The following C1orf185 variants were observed in gnomAD, a reference collection of about 807,000 sequenced individuals.
The protein encoded by C1orf185 is uncharacterized protein C1orf185.
In C1orf185, 13 loss-of-function variants were observed where a neutral mutation model predicts 16.1. That is an observed-to-expected ratio of 0.81 (90% CI 0.53 to 1.28). C1orf185 has a LOEUF of 1.28. C1orf185 is among the 50% of genes most tolerant of loss of function. C1orf185 has a pLI of 0.00. For missense variants in C1orf185, 220 were observed against 225.2 expected (o/e 0.98, Z 0.15); for synonymous variants, 80 against 76.9 (o/e 1.04, Z -0.21).
At chr1:51,120,718 A>G (rs1646191756) in intron 3 of C1orf185, among the ~76,000 whole-genome samples, 1 of 152,250 alleles carries the variant, frequency 6.6e-6, no homozygotes, top group Non-Finnish European at 1.5e-5. Flanking sequence ...ATATAATAAT[A>G]CCATCATACT....
At chr1:51,105,714 A>G (rs1392104272) in intron 1 of C1orf185, among the ~76,000 whole-genome samples, 1 of 152,182 alleles carries the variant, frequency 6.6e-6, no homozygotes. Context: ...TGACTATTGA[A>G]AGTGGGGAGT....
intron 3 of C1orf185, among the ~76,000 whole-genome samples, chr1:51,126,463 G>T (rs1390284668): frequency 6.6e-6 from 1 of 152,010 alleles, no homozygotes; most frequent in African/African-American, 2.4e-5. Flanking sequence ...GTCTTGCTGT[G>T]TTGCCGAGGC....
intron 3 of C1orf185, among the ~76,000 whole-genome samples, chr1:51,119,062 G>A (rs948633410): frequency 2.0e-5 from 3 of 152,136 alleles, no homozygotes; most frequent in Non-Finnish European, 4.4e-5. Context: ...AAGATAAATG[G>A]CATAAGAAAA....
chr1:51,124,980 A>G (rs551257827), intron 3 of C1orf185, among the ~76,000 whole-genome samples: 53 of 152,306 alleles, frequency 3.5e-4, no homozygotes, highest in Non-Finnish European at 1.2e-4. Context: ...GCAGAGGCCC[A>G]TCTTCTGTAA....
chr1:51,119,856 G>C (rs1313228025), intron 3 of C1orf185, among the ~76,000 whole-genome samples: 3 of 151,958 alleles, frequency 2.0e-5, no homozygotes, highest in Non-Finnish European at 4.4e-5. Context: ...TGCCACTGAG[G>C]CTATATAAAC....
At chr1:51,108,562 A>G (rs1156790250) in intron 1 of C1orf185, among the ~76,000 whole-genome samples, 3 of 152,134 alleles carry the variant, frequency 2.0e-5, no homozygotes, top group African/African-American at 7.2e-5. Context: ...CCATTAACCA[A>G]CTTCTCATCA....
Position 51,145,733 on chromosome 1 carries a change from A to G in C1orf185, c.268A>G (p.Arg90Gly). The part of the protein sequence containing the change: ...TGRFQLQEEQ[R>G]KKEAAHIKAI... The stretch of plus-strand genomic sequence containing the variant: ...ACTTTTTTTAATGTAGGAGGAGCAA[A>G]GAAAAAAGGAAGCAGCACATATAAA... The change falls in exon 4 of 5, where the codon AGA (arginine) becomes GGA (glycine). Residue 90 changes from arginine (R) to glycine (G), a missense_variant. Coordinates refer to ENST00000371759, the MANE Select transcript of C1orf185 (RefSeq NM_001136508.2). 1 of 1,315,816 alleles carries G rather than the reference A, an allele frequency of 7.6e-7. No homozygotes were observed. Among genetic ancestry groups the G allele is most frequent in the Non-Finnish European group, 1.0e-6 (1 of 970,284 alleles). The allele number at this position is 1,315,816 out of a possible 1,614,324, so 81.5% of individuals were successfully genotyped here.
In C1orf185 at chr1:51,147,582, A is replaced by AT. The variant is rs1557655002; in HGVS notation, c.413dup (p.Leu138PhefsTer4). The AT allele has an allele frequency of 2.6e-6, 4 of 1,551,604 alleles. No homozygotes were observed. Among genetic ancestry groups the AT allele is most frequent in the Middle Eastern group, 1.7e-4 (1 of 5,992 alleles). ...GCAGTGTTACATTAAGCTTATCAAC[A>AT]TTACCATCTGATTCTTATTACAGCC... is the stretch of plus-strand genomic sequence containing the variant. On this transcript the variant is annotated frameshift_variant, in exon 5 of 5. Transcript: ENST00000371759. LOFTEE classifies it high-confidence loss of function.
downstream of C1orf185, among the ~76,000 whole-genome samples, chr1:51,151,832 G>A (rs1477017818): frequency 1.3e-5 from 2 of 151,852 alleles, no homozygotes; most frequent in African/African-American, 4.8e-5. Flanking sequence ...GGGATTACAG[G>A]CGCCCACCAC....
At chr1:51,131,129 C>T (rs1646281932) in intron 3 of C1orf185, among the ~76,000 whole-genome samples, 1 of 152,196 alleles carries the variant, frequency 6.6e-6, no homozygotes, top group African/African-American at 2.4e-5. Flanking sequence ...TCTCAAACTC[C>T]TGACCTCAGG....
intron 3 of C1orf185, among the ~76,000 whole-genome samples, chr1:51,142,780 T>C (rs1387360674): frequency 6.6e-6 from 1 of 152,188 alleles, no homozygotes; most frequent in Non-Finnish European, 1.5e-5. Flanking sequence ...TTTTGTTTTT[T>C]GATTTTTATT....
At chr1:51,150,876 A>C (rs1646426991), downstream of C1orf185, among the ~76,000 whole-genome samples, 1 of 152,172 alleles carries the variant, frequency 6.6e-6, no homozygotes, top group South Asian at 2.1e-4. Context: ...GGGTTGCATT[A>C]CAGGAAGGAG....
chr1:51,132,033 G>T (rs1484325371), intron 3 of C1orf185, among the ~76,000 whole-genome samples: 1 of 152,202 alleles, frequency 6.6e-6, no homozygotes, highest in East Asian at 1.9e-4. Context: ...AATGAAGCCA[G>T]TTGGCTGAAT....
At chr1:51,110,395 C>T (rs1041440476) in intron 1 of C1orf185, among the ~76,000 whole-genome samples, 1 of 152,082 alleles carries the variant, frequency 6.6e-6, no homozygotes, top group African/African-American at 2.4e-5. Flanking sequence ...TGAGAAATAA[C>T]CTTATATAAC....
At chr1:51,151,463 A>G (rs7536035), downstream of C1orf185, among the ~76,000 whole-genome samples, 6 of 152,306 alleles carry the variant, frequency 3.9e-5, no homozygotes, top group African/African-American at 1.2e-4. Flanking sequence ...TTTTGAAAAA[A>G]AAGTAAATAA....
At chr1:51,122,286 A>G (rs1646203273) in intron 3 of C1orf185, among the ~76,000 whole-genome samples, 1 of 152,144 alleles carries the variant, frequency 6.6e-6, no homozygotes, top group African/African-American at 2.4e-5. Context: ...ATAATTCCAA[A>G]TTGTTTTCCA....
chr1:51,127,081 A>C (rs1351442596), intron 3 of C1orf185, among the ~76,000 whole-genome samples: 1 of 152,168 alleles, frequency 6.6e-6, no homozygotes, highest in African/African-American at 2.4e-5. Flanking sequence ...TATTGATACA[A>C]TTTTTAAAAT....
At chr1:51,128,568 C>T (rs1324904144) in intron 3 of C1orf185, among the ~76,000 whole-genome samples, 2 of 151,956 alleles carry the variant, frequency 1.3e-5, no homozygotes, top group African/African-American at 2.4e-5. Context: ...TGGTGCTTGC[C>T]TGTAATCCCA....
intron 2 of C1orf185, among the ~76,000 whole-genome samples, chr1:51,116,202 T>C (rs776922053): frequency 3.9e-5 from 6 of 152,128 alleles, no homozygotes; most frequent in Non-Finnish European, 8.8e-5. Flanking sequence ...CCACAGAGAC[T>C]ACTGCAAAAG....
Sources: gnomAD v4.1 joint callset for allele counts (sites outside exome capture counted in the v4.1 genomes callset) on GRCh38, gnomAD v4.1.1 for gene constraint, MANE v1.5 for transcripts, NCBI Gene and HGNC (gene_info 2026-07-23, HGNC 2026-07-21) for gene names.